CSNK1A1: variants seen among roughly 807,000 people sequenced by gnomAD.
CSNK1A1 encodes casein kinase 1 alpha 1, also known as casein kinase I isoform alpha.
CSNK1A1 carries 7 observed loss-of-function variants against 46.1 expected under a neutral mutation model. The ratio of observed to expected loss-of-function variants is 0.15; its 90% CI spans 0.09 to 0.29. CSNK1A1 has a LOEUF of 0.29. CSNK1A1 is among the 10% of genes least tolerant of loss of function. The probability of loss-of-function intolerance (pLI) is 1.00; values close to 1 mark genes in which losing one functional copy is unlikely to be tolerated. For missense variants in CSNK1A1, 96 were observed against 417.1 expected (o/e 0.23, Z 6.71); for synonymous variants, 137 against 141.5 (o/e 0.97, Z 0.23).
chr5:149,506,644 C>T (rs1426125072), intron 8 of CSNK1A1, among the ~76,000 whole-genome samples: 1 of 152,128 alleles, frequency 6.6e-6, no homozygotes, highest in African/African-American at 2.4e-5. Context: ...GGAACCCTAC[C>T]CTAGTTTAGG....
At chr5:149,516,045 T>C (rs1761389896) in intron 4 of CSNK1A1, among the ~76,000 whole-genome samples, 1 of 152,146 alleles carries the variant, frequency 6.6e-6, no homozygotes, top group Non-Finnish European at 1.5e-5. Flanking sequence ...TTTGACCAGG[T>C]GCAGTGGCTC....
Position 149,551,008 on chromosome 5 carries a change from C to G in CSNK1A1, c.-44G>C, listed in dbSNP as rs1226647364. ...AGGCTGGGGCCAAGCCCCGACACCT[C>G]TGGGAAGAGGACGGAGGCCTCGGGG... On this transcript the variant is annotated 5_prime_UTR_variant, in exon 1 of 10. Transcript: ENST00000377843. The G allele has an allele frequency of 3.7e-6, 6 of 1,612,028 alleles. No homozygotes were observed. In the Admixed American group the frequency reaches 1.0e-4, roughly 27 times the overall value.
chr5:149,501,512 G>A, intron 9 of CSNK1A1: 1 of 985,442 alleles, frequency 1.0e-6, no homozygotes, highest in Non-Finnish European at 1.2e-6. Flanking sequence ...ATTCAAGGAA[G>A]ACTGTGGACA....
At chr5:149,506,147 G>A (rs1580822084) in intron 8 of CSNK1A1, among the ~76,000 whole-genome samples, 2 of 151,254 alleles carry the variant, frequency 1.3e-5, no homozygotes, top group East Asian at 3.9e-4. Context: ...GGCTGGTCTC[G>A]AGCTCCTGGC....
intron 9 of CSNK1A1, among the ~76,000 whole-genome samples, chr5:149,500,429 G>A (rs1470863055): frequency 7.4e-5 from 11 of 148,298 alleles, no homozygotes; most frequent in Admixed American, 6.1e-4. Flanking sequence ...GAGCCACCGC[G>A]CCCGGCCCCA....
intron 2 of CSNK1A1, 109 bp downstream of exon 2, chr5:149,549,966 G>A: frequency 9.1e-6 from 12 of 1,319,446 alleles, no homozygotes; most frequent in Non-Finnish European, 1.1e-5. Context: ...GGGAACCCAG[G>A]TAACTAAAAC....
Position 149,502,225 on chromosome 5 carries a change from T to G in CSNK1A1, c.1006+3222A>C, listed in dbSNP as rs1009742564. On this transcript the variant is annotated intron_variant, in intron 9 of 9. Transcript: ENST00000377843. Reference sequence around the variant, plus strand: ...AAAACATTAGTAAATGCTACCATTTTGGGGATTTTCCTACATTAGAGATTT... The same window carrying G: ...AAAACATTAGTAAATGCTACCATTTGGGGGATTTTCCTACATTAGAGATTT... The G allele has an allele frequency of 1.6e-5, 15 of 942,242 alleles. No homozygotes were observed. The East Asian group carries it at 9.3e-4, about 58-fold the overall frequency. 58.4% of individuals were successfully genotyped at this position (942,242 alleles called of 1,614,324 possible).
chr5:149,533,625 C>T (rs1417623326), intron 2 of CSNK1A1, among the ~76,000 whole-genome samples: 1 of 151,684 alleles, frequency 6.6e-6, no homozygotes, highest in Non-Finnish European at 1.5e-5. Flanking sequence ...CCCCGTAATA[C>T]CCAAAGTGTT....
chr5:149,518,012 ACTGTAGCTT>A, intron 4 of CSNK1A1: 2 of 554,102 alleles, frequency 3.6e-6, no homozygotes, highest in South Asian at 5.1e-5. Context: ...TCCACCAAGC[ACTGTAGCTT>A]CTCAGTTTTC....
intron 9 of CSNK1A1, chr5:149,501,979 A>G: frequency 1.1e-6 from 1 of 937,294 alleles, no homozygotes; most frequent in Non-Finnish European, 1.3e-6. Context: ...TAGTATAGAT[A>G]ATAAGTGGCA....
chr5:149,508,602 G>GA (rs1462517304), intron 7 of CSNK1A1, among the ~76,000 whole-genome samples: 3 of 152,100 alleles, frequency 2.0e-5, no homozygotes, highest in Non-Finnish European at 2.9e-5. Context: ...GAAAATTTCA[G>GA]AAAAAATGAG....
chr5:149,507,786 A>T (rs1284793066), intron 7 of CSNK1A1, among the ~76,000 whole-genome samples: 1 of 152,168 alleles, frequency 6.6e-6, no homozygotes, highest in Admixed American at 6.5e-5. Context: ...AGAAGTTTCT[A>T]AATGGTTGCA....
At position 149,498,574 on chromosome 5, in the gene CSNK1A1, C is replaced by G. The variant is rs1473784313; in HGVS notation, c.1007-1714G>C. 4 of 984,420 alleles carry G rather than the reference C, an allele frequency of 4.1e-6. 1 individual carries two copies. Among genetic ancestry groups the G allele is most frequent in the African/African-American group, 1.8e-5 (1 of 57,102 alleles). 61.0% of individuals were successfully genotyped at this position (984,420 alleles called of 1,614,324 possible). On this transcript the variant is annotated intron_variant, in intron 9 of 9. Coordinates refer to ENST00000377843, the MANE Select transcript of CSNK1A1 (RefSeq NM_001892.6). ...AGGATAAGCTATGCAGGTTAAGAAA[C>G]TAAGGATTAAACAGAAATTAAACAG... is the stretch of plus-strand genomic sequence containing the variant.
chr5:149,547,242 C>G (rs1475942368), intron 2 of CSNK1A1, among the ~76,000 whole-genome samples: 1 of 152,194 alleles, frequency 6.6e-6, no homozygotes, highest in Non-Finnish European at 1.5e-5. Flanking sequence ...CACCCACAGA[C>G]AGCTTATAAC....
chr5:149,524,364 CAT>C (rs1561762455), intron 3 of CSNK1A1, among the ~76,000 whole-genome samples: 1 of 152,108 alleles, frequency 6.6e-6, no homozygotes, highest in Non-Finnish European at 1.5e-5. Flanking sequence ...AAAAATTATA[CAT>C]GTCTTGATAT....
chr5:149,523,267 T>C (rs1384720184), intron 3 of CSNK1A1, among the ~76,000 whole-genome samples: 2 of 152,330 alleles, frequency 1.3e-5, no homozygotes, highest in South Asian at 2.1e-4. Flanking sequence ...CTCGAACTCC[T>C]GACCTCAGGT....
In CSNK1A1 at chr5:149,539,721, CTTT is replaced by C. The variant is rs527400053; in HGVS notation, c.230+10351_230+10353del. Among the ~76,000 whole-genome samples, 506 of 148,216 alleles carry C rather than the reference CTTT, an allele frequency of 3.4e-3. 1 individual carries two copies. Among genetic ancestry groups the C allele is most frequent in the Non-Finnish European group, 5.2e-3 (350 of 66,834 alleles). ...ATACTTGCAGTTAGGGATTAGTTGT[CTTT>C]TTTTTTTAACTTTGCCATTTGATTC... On this transcript the variant is annotated intron_variant, in intron 2 of 9. Coordinates refer to ENST00000377843, the MANE Select transcript of CSNK1A1 (RefSeq NM_001892.6).
At chr5:149,543,291 G>A (rs1762360600) in intron 2 of CSNK1A1, among the ~76,000 whole-genome samples, 1 of 152,240 alleles carries the variant, frequency 6.6e-6, no homozygotes, top group East Asian at 1.9e-4. Context: ...TAACTCCCCT[G>A]AGATTCAACA....
At chr5:149,536,017 G>C (rs1201567650) in intron 2 of CSNK1A1, among the ~76,000 whole-genome samples, 1 of 150,726 alleles carries the variant, frequency 6.6e-6, no homozygotes, top group Non-Finnish European at 1.5e-5. Flanking sequence ...ACAATGGCAT[G>C]ATCTCAGCTC....
Sources: gnomAD v4.1 joint callset for allele counts (sites outside exome capture counted in the v4.1 genomes callset) on GRCh38, gnomAD v4.1.1 for gene constraint, MANE v1.5 for transcripts, NCBI Gene and HGNC (gene_info 2026-07-23, HGNC 2026-07-21) for gene names.